CAPSL: variants seen among roughly 807,000 people sequenced by gnomAD.
The protein encoded by CAPSL is calcyphosine like.
A neutral mutation model predicts 21.3 loss-of-function variants in CAPSL; 17 were observed. The observed-to-expected ratio is 0.80, with a 90% CI of 0.55 to 1.20. CAPSL has a LOEUF of 1.20. Among genes scored for constraint, CAPSL ranks in the 50% most tolerant of loss-of-function variants. CAPSL has a pLI of 0.00. For missense variants in CAPSL, 289 were observed against 259.3 expected (o/e 1.11, Z -0.79); for synonymous variants, 102 against 89.3 (o/e 1.14, Z -0.80).
intron 4 of CAPSL, 97 bp from the exon 5 acceptor site, chr5:35,904,743 G>A: frequency 6.7e-7 from 1 of 1,501,770 alleles, no homozygotes; most frequent in Non-Finnish European, 8.9e-7. Flanking sequence ...GGAAATAGAG[G>A]ATTTCTTTGT....
intron 1 of CAPSL, among the ~76,000 whole-genome samples, chr5:35,929,277 TC>T (rs1323291185): frequency 1.7e-5 from 2 of 121,104 alleles, no homozygotes; most frequent in African/African-American, 2.8e-5. Context: ...TGAAAACAGT[TC>T]CTTTTTTTTT....
intron 2 of CAPSL, among the ~76,000 whole-genome samples, chr5:35,917,931 G>C (rs1249198078): frequency 6.6e-6 from 1 of 152,112 alleles, no homozygotes; most frequent in Non-Finnish European, 1.5e-5. Flanking sequence ...CAGTTAGAAT[G>C]GTGATCATTA....
upstream of CAPSL, chr5:35,938,632 C>T (rs749777206): frequency 6.5e-6 from 1 of 153,142 alleles, no homozygotes; most frequent in East Asian, 1.9e-4. Context: ...TCCCAAGCCA[C>T]CTTAGCCTCC....
At chr5:35,922,469 T>C (rs1333786637) in intron 1 of CAPSL, among the ~76,000 whole-genome samples, 1 of 152,118 alleles carries the variant, frequency 6.6e-6, no homozygotes, top group Non-Finnish European at 1.5e-5. Flanking sequence ...TCCTTTCAGT[T>C]CTCTTGAACC....
At chr5:35,911,958 T>C (rs1738236101) in intron 2 of CAPSL, among the ~76,000 whole-genome samples, 2 of 152,152 alleles carry the variant, frequency 1.3e-5, no homozygotes, top group African/African-American at 2.4e-5. Context: ...TTCCCTTTCC[T>C]AGTCAAAGAA....
intron 1 of CAPSL, among the ~76,000 whole-genome samples, chr5:35,924,707 G>C (rs987028276): frequency 1.3e-5 from 2 of 152,224 alleles, no homozygotes; most frequent in African/African-American, 4.8e-5. Flanking sequence ...CTGGAATAGA[G>C]TGTGGGAGTG....
At chr5:35,923,465 T>C (rs1738590271) in intron 1 of CAPSL, among the ~76,000 whole-genome samples, 1 of 152,194 alleles carries the variant, frequency 6.6e-6, no homozygotes, top group Admixed American at 6.5e-5. Flanking sequence ...TATAGCAGCA[T>C]TATTCACAAC....
intron 4 of CAPSL, 117 bp downstream of exon 4, chr5:35,909,749 C>T: frequency 4.6e-6 from 4 of 871,120 alleles, no homozygotes; most frequent in South Asian, 3.5e-5. Context: ...AAATAGTTTA[C>T]TTCTATTTAC....
chr5:35,912,069 C>A (rs968882397), intron 2 of CAPSL, among the ~76,000 whole-genome samples: 3 of 152,172 alleles, frequency 2.0e-5, no homozygotes, highest in Non-Finnish European at 2.9e-5. Flanking sequence ...TTATATCCTG[C>A]ACCTGGCTCG....
At chr5:35,926,406 T>A (rs1738685324) in intron 1 of CAPSL, among the ~76,000 whole-genome samples, 2 of 152,116 alleles carry the variant, frequency 1.3e-5, no homozygotes, top group South Asian at 4.1e-4. Flanking sequence ...GTAGCAATGG[T>A]CCCATTAAGG....
At chr5:35,905,429 C>T (rs1469628561) in intron 4 of CAPSL, among the ~76,000 whole-genome samples, 1 of 152,160 alleles carries the variant, frequency 6.6e-6, no homozygotes, top group East Asian at 1.9e-4. Context: ...TAAGAGATGA[C>T]TGACCCACTG....
chr5:35,935,361 C>A (rs1027104369), intron 1 of CAPSL, among the ~76,000 whole-genome samples: 9 of 151,116 alleles, frequency 6.0e-5, no homozygotes, highest in Admixed American at 5.3e-4. Context: ...GAGACAGGGT[C>A]TCACTCTGTT....
intron 2 of CAPSL, among the ~76,000 whole-genome samples, chr5:35,914,347 C>T (rs921817906): frequency 1.3e-5 from 2 of 152,158 alleles, no homozygotes; most frequent in Non-Finnish European, 2.9e-5. Flanking sequence ...CTAAGTTCTG[C>T]ACCAAGCGGA....
Position 35,904,612 on chromosome 5 carries a change from C to A in CAPSL, c.560G>T (p.Gly187Val). ...ATCAGTGTCAATGGATGCGCTCACA[C>A]CTGCATAGTAGTTCATGAACTCCTC... ...TPEEFMNYYA[G>V]VSASIDTDVY... Residue 187 changes from glycine to valine, a missense_variant, in exon 5 of 5, where the codon GGT becomes GTT. Coordinates refer to ENST00000651391, the MANE Select transcript of CAPSL (RefSeq NM_001042625.2). 1.2e-6 allele frequency: 2 copies of A among 1,613,770 alleles called. No individual in the cohort carries two copies. Among genetic ancestry groups the A allele is most frequent in the East Asian group, 4.5e-5 (2 of 44,854 alleles).
intron 1 of CAPSL, among the ~76,000 whole-genome samples, chr5:35,930,159 T>C (rs764644174): frequency 3.3e-5 from 5 of 152,224 alleles, no homozygotes; most frequent in African/African-American, 4.8e-5. Flanking sequence ...CATAGCATAC[T>C]GTGGAAATAA....
In CAPSL at chr5:35,910,059, G is replaced by C; in HGVS notation, c.332C>G (p.Ala111Gly). ...LLTLRPPMSRARKEVIMQAFR... is the reference protein window; with the variant it reads ...LLTLRPPMSRGRKEVIMQAFR... ...AGCTTGCATGATTACCTCTTTTCTG[G>C]CTCTGGACATTGGAGGCTACAAAAA... is the stretch of plus-strand genomic sequence containing the variant. Residue 111 changes from alanine to glycine, a missense_variant, in exon 4 of 5, where the codon GCC (alanine) becomes GGC (glycine). By Grantham distance (60) the Ala-to-Gly change is moderately conservative. Transcript: ENST00000651391. 6.2e-7 allele frequency: 1 copy of C among 1,608,654 alleles called. No homozygotes were observed. The highest frequency in any genetic ancestry group is 8.5e-7 in the Non-Finnish European group (1 of 1,178,324).
intron 4 of CAPSL, among the ~76,000 whole-genome samples, chr5:35,907,121 T>G (rs1760694606): frequency 6.6e-6 from 1 of 152,288 alleles, no homozygotes; most frequent in East Asian, 1.9e-4. Flanking sequence ...ACTCCTACTT[T>G]TAGCAGGCCT....
chr5:35,905,973 G>A (rs1760665854), intron 4 of CAPSL, among the ~76,000 whole-genome samples: 1 of 152,156 alleles, frequency 6.6e-6, no homozygotes, highest in Admixed American at 6.5e-5. Flanking sequence ...TAATTTAACT[G>A]GGAATATCAA....
chr5:35,909,110 C>T (rs1326465738), intron 4 of CAPSL, among the ~76,000 whole-genome samples: 8 of 147,630 alleles, frequency 5.4e-5, no homozygotes, highest in Non-Finnish European at 8.9e-5. Flanking sequence ...TCTAAAAAGT[C>T]AATTTAGGGC....
Sources: allele counts gnomAD v4.1 joint callset (sites outside exome capture counted in the v4.1 genomes callset), GRCh38; gene constraint gnomAD v4.1.1; transcripts MANE v1.5; gene names NCBI Gene and HGNC (gene_info 2026-07-23, HGNC 2026-07-21).